The following MED27 variants were observed in gnomAD, a reference collection of about 807,000 sequenced individuals.
MED27 encodes the protein mediator of RNA polymerase II transcription subunit 27.
Under a neutral mutation model 38.2 loss-of-function variants are expected in MED27, and 30 were observed. The ratio of observed to expected loss-of-function variants is 0.79; its 90% CI spans 0.59 to 1.07. The LOEUF (loss-of-function observed/expected upper bound fraction) is 1.07. Ranked by LOEUF, MED27 falls within the 50% of genes least tolerant of loss-of-function variation. The probability of loss-of-function intolerance (pLI) is 0.00; values close to 1 mark genes in which losing one functional copy is unlikely to be tolerated. For missense variants in MED27, 289 were observed against 397.5 expected, an observed-to-expected ratio of 0.73 and a Z score of 2.32; for synonymous variants, 122 against 153.5, an observed-to-expected ratio of 0.79 and a Z score of 1.52.
chr9:131,912,549 C>G (rs773243535), intron 4 of MED27, among the ~76,000 whole-genome samples: 1 of 152,156 alleles, frequency 6.6e-6, no homozygotes, highest in Non-Finnish European at 1.5e-5. Context: ...CCCTCACCCC[C>G]GAGTCTGGAA....
intron 4 of MED27, among the ~76,000 whole-genome samples, chr9:131,899,406 C>T (rs567690230): frequency 2.1e-3 from 322 of 152,326 alleles, no homozygotes; most frequent in Non-Finnish European, 3.6e-3. Flanking sequence ...AGCCAGACCT[C>T]CTGGCGGTGG....
intron 4 of MED27, among the ~76,000 whole-genome samples, chr9:131,903,256 G>A (rs1228347153): frequency 1.3e-5 from 2 of 152,238 alleles, no homozygotes; most frequent in Non-Finnish European, 2.9e-5. Flanking sequence ...CAGGCAAAGA[G>A]AGAGCTTGTG....
At chr9:131,955,467 A>G (rs1831077542) in intron 3 of MED27, among the ~76,000 whole-genome samples, 1 of 152,230 alleles carries the variant, frequency 6.6e-6, no homozygotes, top group Admixed American at 6.5e-5. Flanking sequence ...CAAAACCAAG[A>G]GCAGGTTATG....
chr9:132,011,698 C>T (rs1003090835), intron 3 of MED27, among the ~76,000 whole-genome samples: 1 of 152,028 alleles, frequency 6.6e-6, no homozygotes, highest in Non-Finnish European at 1.5e-5. Context: ...GTTGGGGAGG[C>T]AATTGATGTC....
chr9:131,907,282 T>C lies in MED27; in HGVS notation c.574-13290A>G, dbSNP rs559609837. Among the ~76,000 whole-genome samples, 148 of 152,274 alleles carry C rather than the reference T, an allele frequency of 9.7e-4. 1 individual carries two copies. Among genetic ancestry groups the C allele is most frequent in the African/African-American group, 3.3e-3 (138 of 41,556 alleles). On this transcript the variant is annotated intron_variant, in intron 4 of 7. Coordinates refer to ENST00000292035, the MANE Select transcript of MED27 (RefSeq NM_004269.4). ...CTCTGATGCCGAGCCGAAGCTGGAC[T>C]GTACTGCTGCCATCTCAGCTCACTG...
chr9:131,944,759 T>C (rs760703495), intron 3 of MED27, among the ~76,000 whole-genome samples: 8 of 152,288 alleles, frequency 5.3e-5, no homozygotes, highest in African/African-American at 1.2e-4. Context: ...CTCGAACTCC[T>C]GACCTCAGGT....
At chr9:131,881,800 C>CTTCTTTTT (rs1159629751) in intron 6 of MED27, among the ~76,000 whole-genome samples, 1 of 60,964 alleles carries the variant, frequency 1.6e-5, no homozygotes, top group African/African-American at 5.9e-5. Context: ...TCTTCTTCTT[C>CTTCTTTTT]TTTTTTTTTT....
At chr9:131,912,310 G>A (rs191415185) in intron 4 of MED27, among the ~76,000 whole-genome samples, 3 of 152,334 alleles carry the variant, frequency 2.0e-5, no homozygotes, top group Non-Finnish European at 4.4e-5. Flanking sequence ...TTTAACCAGT[G>A]AGTGCTTCCT....
In MED27 at chr9:132,013,049, G is replaced by A. The variant is rs929138334; in HGVS notation, c.479+1288C>T. 2.6e-5 allele frequency among the ~76,000 whole-genome samples: 4 copies of A among 152,200 alleles called. 1 individual carries two copies. The highest frequency in any genetic ancestry group is 4.1e-4 in the South Asian group (2 of 4,826). ...GGTACAAGGGGTGAGCAGGACAGGCGAAGGAACGCTTCTCGGGCATCTGGC... is the reference window on the plus strand; with the variant it reads ...GGTACAAGGGGTGAGCAGGACAGGCAAAGGAACGCTTCTCGGGCATCTGGC... On this transcript the variant is annotated intron_variant, in intron 3 of 7. Coordinates refer to ENST00000292035, the MANE Select transcript of MED27 (RefSeq NM_004269.4).
intron 2 of MED27, among the ~76,000 whole-genome samples, chr9:132,034,304 GT>G (rs1450347892): frequency 6.6e-6 from 1 of 152,188 alleles, no homozygotes; most frequent in Non-Finnish European, 1.5e-5. Context: ...GAGTTTAAAA[GT>G]GTCCATGGAC....
chr9:131,965,856 T>C (rs543474861), intron 3 of MED27, among the ~76,000 whole-genome samples: 1 of 152,190 alleles, frequency 6.6e-6, no homozygotes, highest in African/African-American at 2.4e-5. Flanking sequence ...ACTTTAGACC[T>C]GTATCACCAC....
At chr9:131,905,538 T>C (rs1830037961) in intron 4 of MED27, among the ~76,000 whole-genome samples, 1 of 152,042 alleles carries the variant, frequency 6.6e-6, no homozygotes, top group South Asian at 2.1e-4. Context: ...CCAACAAAAC[T>C]GCGTCCTTCC....
chr9:131,903,992 G>A (rs1442932015), intron 4 of MED27, among the ~76,000 whole-genome samples: 3 of 151,282 alleles, frequency 2.0e-5, no homozygotes, highest in African/African-American at 4.9e-5. Context: ...TCTGCCTCCC[G>A]GGTTCAAGTG....
At chr9:131,942,410 T>A (rs1830805424) in intron 3 of MED27, among the ~76,000 whole-genome samples, 1 of 152,226 alleles carries the variant, frequency 6.6e-6, no homozygotes. Flanking sequence ...TGTATATACT[T>A]CTTCTCTAAA....
At chr9:132,042,448 G>A (rs1833238819) in intron 2 of MED27, among the ~76,000 whole-genome samples, 1 of 151,960 alleles carries the variant, frequency 6.6e-6, no homozygotes, top group African/African-American at 2.4e-5. Context: ...GAAGTGCCAA[G>A]AGGTATGAGA....
rs1205764470 is a variant in MED27, at chr9:132,003,302, A to G, written c.479+11035T>C. On this transcript the variant is annotated intron_variant, in intron 3 of 7. Coordinates refer to ENST00000292035, the MANE Select transcript of MED27 (RefSeq NM_004269.4). The surrounding 1 kb of genome is among the most constrained non-coding windows in gnomAD (Gnocchi z 4.2). ...CTGCTTCTGCAGGCTGCCACATTCA[A>G]CTTAGTGCTTAATGGCCAGGTTCTT... Among the ~76,000 whole-genome samples, 3 of 152,228 alleles carry G rather than the reference A, an allele frequency of 2.0e-5. No individual in the cohort carries two copies. The highest frequency in any genetic ancestry group is 7.2e-5 in the African/African-American group (3 of 41,454).
At chr9:132,078,189 A>T (rs1457741824) in intron 1 of MED27, among the ~76,000 whole-genome samples, 1 of 152,200 alleles carries the variant, frequency 6.6e-6, no homozygotes. Context: ...AAAGCGAGCC[A>T]ACAAGAGCAC....
intron 5 of MED27, 24 bp from the exon 6 acceptor site, chr9:131,884,123 C>T (rs756687989): frequency 1.3e-5 from 21 of 1,589,636 alleles, no homozygotes; most frequent in Admixed American, 5.3e-5. Context: ...AGAGAAGGAT[C>T]ATCAGCATCG....
chr9:131,942,657 G>T (rs1022154708), intron 3 of MED27, among the ~76,000 whole-genome samples: 2 of 152,170 alleles, frequency 1.3e-5, no homozygotes, highest in East Asian at 3.9e-4. Flanking sequence ...GCTTTCCATT[G>T]TACCTTTCAC....
Sources: gnomAD v4.1 joint callset for allele counts (sites outside exome capture counted in the v4.1 genomes callset) on GRCh38, gnomAD v4.1.1 for gene constraint, Gnocchi (gnomAD v3.1) non-coding constraint, MANE v1.5 for transcripts, NCBI Gene and HGNC (gene_info 2026-07-23, HGNC 2026-07-21) for gene names.